Variants in TAS2R1 observed in about 807,000 individuals in gnomAD.
TAS2R1 encodes the protein taste 2 receptor member 1.
For missense variants in TAS2R1, 370 were observed against 353.4 expected (o/e 1.05, Z -0.38); for synonymous variants, 141 against 134.2 (o/e 1.05, Z -0.35).
chr5:9,807,657 AT>A, the TAS2R1 span, among the ~76,000 whole-genome samples: 1 of 152,186 alleles, frequency 6.6e-6, no homozygotes, highest in African/African-American at 2.4e-5. Context: ...AAGTGAAGTA[AT>A]TCAGGAATGA....
the TAS2R1 span, among the ~76,000 whole-genome samples, chr5:9,849,221 G>A: frequency 6.6e-6 from 1 of 152,192 alleles, no homozygotes; most frequent in Non-Finnish European, 1.5e-5. Context: ...TTAGAGTCAA[G>A]CAAGTCTAAC....
rs56140715 is a variant in TAS2R1 at position 9,640,497 on chromosome 5, T to TAAAAAAA, written c.-80-10512_-80-10506dup. Among the ~76,000 whole-genome samples the TAAAAAAA allele has an allele frequency of 2.5e-3, 147 of 59,010 alleles. 9 individuals carry two copies. The highest frequency in any genetic ancestry group is 3.2e-3 in the African/African-American group (39 of 12,086). 38.7% of individuals were successfully genotyped at this position (59,010 alleles called of 152,430 possible). On this transcript the variant is annotated intron_variant, in intron 2 of 2. Coordinates refer to the TAS2R1 transcript ENST00000506620. ...GAATTGCCACAAACCTTCAATTCCT[T>TAAAAAAA]AAAAAAAAAAAAAAAAAAAAAAAAA...
At chr5:9,802,953 G>A in the TAS2R1 span, among the ~76,000 whole-genome samples, 1 of 151,972 alleles carries the variant, frequency 6.6e-6, no homozygotes, top group Admixed American at 6.6e-5. Context: ...GCAGATGAAG[G>A]AGGCACCAGA....
intron 2 of TAS2R1, among the ~76,000 whole-genome samples, chr5:9,635,871 T>A (rs1264306522): frequency 1.3e-5 from 2 of 152,106 alleles, no homozygotes; most frequent in Admixed American, 1.3e-4. Context: ...ATTTTGTTTA[T>A]CCTTTCAAAG....
the TAS2R1 span, among the ~76,000 whole-genome samples, chr5:9,768,458 C>G: frequency 4.1e-4 from 63 of 152,324 alleles, no homozygotes; most frequent in African/African-American, 1.5e-3. Context: ...CTTCCTAGGT[C>G]AGCGCTGCTT....
intron 2 of TAS2R1, among the ~76,000 whole-genome samples, chr5:9,635,670 G>T (rs4620001): frequency 1 from 152,079 of 152,106 alleles, 76,026 homozygotes; most frequent in Middle Eastern, 1. Context: ...CCTGACTTAA[G>T]CTGGAGAATT....
the TAS2R1 span, among the ~76,000 whole-genome samples, chr5:9,838,990 A>G: frequency 5.3e-5 from 8 of 152,214 alleles, no homozygotes; most frequent in African/African-American, 1.9e-4. Context: ...TGGAGTACTT[A>G]TTCCAGAAGC....
At chr5:9,637,477 T>C (rs1739985651) in intron 2 of TAS2R1, among the ~76,000 whole-genome samples, 1 of 152,232 alleles carries the variant, frequency 6.6e-6, no homozygotes, top group African/African-American at 2.4e-5. Flanking sequence ...TCTAGATATC[T>C]AGGAATGCCA....
At chr5:9,635,867 T>C (rs148131062) in intron 2 of TAS2R1, among the ~76,000 whole-genome samples, 4,216 of 152,208 alleles carry the variant, frequency 0.028, 71 homozygotes, top group Middle Eastern at 0.078. Context: ...ATCAATTTTG[T>C]TTATCCTTTC....
chr5:9,835,874 G>A, the TAS2R1 span, among the ~76,000 whole-genome samples: 9,131 of 152,194 alleles, frequency 0.06, 655 homozygotes, highest in East Asian at 0.23. Context: ...AAATCATTTA[G>A]GAAAAACCCT....
At chr5:9,724,366 A>G in the TAS2R1 span, among the ~76,000 whole-genome samples, 1 of 102,876 alleles carries the variant, frequency 9.7e-6, no homozygotes, top group African/African-American at 3.8e-5. Context: ...TTTTTTTACT[A>G]TGTTGAATTA....
chr5:9,635,997 T>C (rs2126477817), intron 2 of TAS2R1, among the ~76,000 whole-genome samples: 1 of 152,180 alleles, frequency 6.6e-6, no homozygotes, highest in East Asian at 1.9e-4. Context: ...TGTTTGTTCT[T>C]GTTTCTCTAG....
chr5:9,711,244 C>T (rs1734648726), intron 1 of TAS2R1, among the ~76,000 whole-genome samples: 1 of 151,956 alleles, frequency 6.6e-6, no homozygotes, highest in African/African-American at 2.4e-5. Context: ...TTCACAATAA[C>T]CAAGAGGTGG....
the TAS2R1 span, among the ~76,000 whole-genome samples, chr5:9,722,191 C>T: frequency 1.3e-5 from 2 of 152,296 alleles, no homozygotes; most frequent in South Asian, 2.1e-4. Flanking sequence ...CAGGAGGAAC[C>T]GCTGCCAAGA....
intron 1 of TAS2R1, among the ~76,000 whole-genome samples, chr5:9,694,609 A>G (rs576056864): frequency 2.0e-5 from 3 of 152,268 alleles, no homozygotes; most frequent in South Asian, 2.1e-4. Flanking sequence ...ATGAGTTTCT[A>G]TGTCTGTTCT....
chr5:9,768,015 C>T, the TAS2R1 span, among the ~76,000 whole-genome samples: 1 of 151,952 alleles, frequency 6.6e-6, no homozygotes, highest in African/African-American at 2.4e-5. Flanking sequence ...AGCCCCCACA[C>T]TCCTTCCTGA....
the TAS2R1 span, among the ~76,000 whole-genome samples, chr5:9,784,674 G>A: frequency 3.9e-5 from 6 of 152,194 alleles, no homozygotes; most frequent in East Asian, 1.9e-4. Context: ...CAGGGTGTCC[G>A]CAGGGCCCCG....
the TAS2R1 span, among the ~76,000 whole-genome samples, chr5:9,778,635 G>C: frequency 6.6e-6 from 1 of 152,202 alleles, no homozygotes; most frequent in Non-Finnish European, 1.5e-5. Flanking sequence ...GCCAGCACTT[G>C]CTGCCTCACC....
At chr5:9,652,443 G>C (rs1740325886) in intron 2 of TAS2R1, among the ~76,000 whole-genome samples, 1 of 152,140 alleles carries the variant, frequency 6.6e-6, no homozygotes, top group African/African-American at 2.4e-5. Flanking sequence ...ACACTACCCA[G>C]TTACTATCGT....
Sources: gnomAD v4.1 joint callset for allele counts (sites outside exome capture counted in the v4.1 genomes callset) on GRCh38, gnomAD v4.1.1 for gene constraint, MANE v1.5 for transcripts, NCBI Gene and HGNC (gene_info 2026-07-23, HGNC 2026-07-21) for gene names.